The following NPAS3 variants were observed in gnomAD, a reference collection of about 807,000 sequenced individuals.
NPAS3 encodes the protein neuronal PAS domain-containing protein 3.
NPAS3 carries 14 observed loss-of-function variants against 73.1 expected under a neutral mutation model. The observed-to-expected ratio is 0.19, with a 90% CI of 0.13 to 0.30. NPAS3 has a LOEUF of 0.30. Ranked by LOEUF, NPAS3 falls within the 10% of genes least tolerant of loss-of-function variation. The probability of loss-of-function intolerance (pLI) is 1.00; values close to 1 mark genes in which losing one functional copy is unlikely to be tolerated. For synonymous variants in NPAS3, 620 were observed against 541.5 expected (o/e 1.14, Z -2.01); for missense variants, 1,096 against 1,250.0 (o/e 0.88, Z 1.86).
chr14:33,112,043 C>A (rs2042914216), intron 2 of NPAS3, among the ~76,000 whole-genome samples: 2 of 152,058 alleles, frequency 1.3e-5, no homozygotes, highest in Non-Finnish European at 2.9e-5. Flanking sequence ...TGTATATATG[C>A]CACATTTTCT....
At chr14:33,470,879 T>C (rs1359685131) in intron 4 of NPAS3, among the ~76,000 whole-genome samples, 1 of 149,396 alleles carries the variant, frequency 6.7e-6, no homozygotes, top group Non-Finnish European at 1.5e-5. Flanking sequence ...GAGAACAAAA[T>C]GGACCTCAAC....
intron 1 of NPAS3, among the ~76,000 whole-genome samples, chr14:32,992,585 T>C (rs2038379730): frequency 6.6e-6 from 1 of 152,078 alleles, no homozygotes; most frequent in Admixed American, 6.6e-5. Context: ...TAGTTATTGA[T>C]GTTTTGGAAG....
intron 6 of NPAS3, among the ~76,000 whole-genome samples, chr14:33,694,479 C>T (rs529696211): frequency 1.3e-5 from 2 of 152,194 alleles, no homozygotes; most frequent in South Asian, 4.2e-4. Flanking sequence ...ATTTAATAGT[C>T]AAAGGAGCTC....
intron 2 of NPAS3, among the ~76,000 whole-genome samples, chr14:33,130,369 A>G (rs549968567): frequency 2.0e-5 from 3 of 152,314 alleles, no homozygotes; most frequent in African/African-American, 7.2e-5. Flanking sequence ...ACACAAGTGA[A>G]GATGTTGAGA....
intron 3 of NPAS3, among the ~76,000 whole-genome samples, chr14:33,338,088 G>T (rs1275422183): frequency 1.3e-5 from 2 of 151,222 alleles, no homozygotes; most frequent in African/African-American, 4.9e-5. Context: ...TTATTACATT[G>T]GTTAGAACCT....
rs555332529 is a variant in NPAS3 at position 33,758,028 on chromosome 14, G to A, written c.853-16309G>A. 5.3e-5 allele frequency among the ~76,000 whole-genome samples: 8 copies of A among 152,288 alleles called. 1 individual carries two copies. Among genetic ancestry groups the A allele is most frequent in the African/African-American group, 1.9e-4 (8 of 41,556 alleles). On this transcript the variant is annotated intron_variant, in intron 7 of 11. Transcript: ENST00000356141. ...TTAAACATTGAATGAATGAATGAAC[G>A]AATGAATGTTGTCACACTCCTAAAT...
chr14:33,497,881 A>G (rs2052289922), intron 4 of NPAS3, among the ~76,000 whole-genome samples: 1 of 152,204 alleles, frequency 6.6e-6, no homozygotes, highest in African/African-American at 2.4e-5. Flanking sequence ...TACACAGCAA[A>G]CAAAACGACC....
At chr14:33,471,846 C>A (rs1429089610) in intron 4 of NPAS3, among the ~76,000 whole-genome samples, 1 of 152,194 alleles carries the variant, frequency 6.6e-6, no homozygotes, top group Non-Finnish European at 1.5e-5. Context: ...GCGAGAGAAG[C>A]TTCATCTGTA....
Position 33,334,745 on chromosome 14 carries a change from A to G in NPAS3, c.386-32441A>G, listed in dbSNP as rs916179974. Among the ~76,000 whole-genome samples the G allele has an allele frequency of 2.2e-4, 34 of 151,982 alleles. 1 individual carries two copies. Among genetic ancestry groups the G allele is most frequent in the Admixed American group, 2.2e-3 (33 of 15,244 alleles). On this transcript the variant is annotated intron_variant, in intron 3 of 11. Coordinates refer to ENST00000356141, the Ensembl canonical transcript of NPAS3. ...TTTGGGGAACCAGTTGTGTTTGGTT[A>G]GTATTGGTTTTTGAGATTTTGGTAC...
chr14:33,587,209 G>A (rs180982124), intron 5 of NPAS3, among the ~76,000 whole-genome samples: 27 of 152,086 alleles, frequency 1.8e-4, no homozygotes, highest in Non-Finnish European at 3.2e-4. Context: ...ATTGCTATAC[G>A]TCCATATTTA....
chr14:33,555,088 T>TA (rs1316336017), intron 4 of NPAS3, among the ~76,000 whole-genome samples: 1 of 152,018 alleles, frequency 6.6e-6, no homozygotes, highest in Non-Finnish European at 1.5e-5. Flanking sequence ...CTCATAGACT[T>TA]ACTGGGATGT....
At chr14:33,123,352 C>T (rs1056616217) in intron 2 of NPAS3, among the ~76,000 whole-genome samples, 24 of 152,126 alleles carry the variant, frequency 1.6e-4, no homozygotes, top group Middle Eastern at 3.4e-3. Flanking sequence ...CACAAGAGCA[C>T]CGTGTCAGGG....
At chr14:33,446,470 C>T (rs1052476975) in intron 4 of NPAS3, among the ~76,000 whole-genome samples, 6 of 152,124 alleles carry the variant, frequency 3.9e-5, no homozygotes, top group Non-Finnish European at 7.3e-5. Flanking sequence ...CCACCGCGCC[C>T]GGCCACTTCA....
intron 4 of NPAS3, among the ~76,000 whole-genome samples, chr14:33,419,120 A>G (rs1057226158): frequency 6.6e-6 from 1 of 151,926 alleles, no homozygotes; most frequent in Non-Finnish European, 1.5e-5. Context: ...ACATCTGATA[A>G]TGATAAATAG....
At chr14:33,216,270 T>G (rs1364725326) in intron 3 of NPAS3, among the ~76,000 whole-genome samples, 1 of 152,106 alleles carries the variant, frequency 6.6e-6, no homozygotes, top group Non-Finnish European at 1.5e-5. Flanking sequence ...TTGGAGGAGG[T>G]GCAGGCAACT....
chr14:33,547,855 G>T (rs1472214697), intron 4 of NPAS3, among the ~76,000 whole-genome samples: 1 of 152,134 alleles, frequency 6.6e-6, no homozygotes, highest in Non-Finnish European at 1.5e-5. Flanking sequence ...TTGTCAGGGG[G>T]ATTCATTCTT....
chr14:33,612,702 C>G (rs1390981075), intron 5 of NPAS3: 3 of 347,156 alleles, frequency 8.6e-6, no homozygotes, highest in African/African-American at 2.1e-5. Context: ...TGTGAAAAAG[C>G]ATCTCAAAGT....
intron 5 of NPAS3, among the ~76,000 whole-genome samples, chr14:33,639,973 T>G (rs1274308087): frequency 6.6e-6 from 1 of 152,180 alleles, no homozygotes; most frequent in Non-Finnish European, 1.5e-5. Context: ...GTCCCAGCAC[T>G]TTGGGAGGCC....
At chr14:33,530,272 T>C (rs2053982313) in intron 4 of NPAS3, among the ~76,000 whole-genome samples, 1 of 152,144 alleles carries the variant, frequency 6.6e-6, no homozygotes, top group Non-Finnish European at 1.5e-5. Flanking sequence ...GAATTTAGTG[T>C]AAACAGATCA....
Sources: allele counts gnomAD v4.1 joint callset (sites outside exome capture counted in the v4.1 genomes callset), GRCh38; gene constraint gnomAD v4.1.1; transcripts MANE v1.5; gene names NCBI Gene and HGNC (gene_info 2026-07-23, HGNC 2026-07-21).